The following ANKRD27 variants were observed in gnomAD, a reference collection of about 807,000 sequenced individuals.
The protein encoded by ANKRD27 is ankyrin repeat domain-containing protein 27.
A neutral mutation model predicts 129.7 loss-of-function variants in ANKRD27; 112 were observed. The ratio of observed to expected loss-of-function variants is 0.86; its 90% CI spans 0.74 to 1.01. The LOEUF is 1.01. ANKRD27 is among the 50% of genes least tolerant of loss of function. ANKRD27 has a pLI of 0.00. For synonymous variants in ANKRD27, 516 were observed against 511.2 expected, an observed-to-expected ratio of 1.01 and a Z score of -0.13; for missense variants, 1,258 against 1,300.5, an observed-to-expected ratio of 0.97 and a Z score of 0.50.
chr19:32,606,014 G>A, intron 23 of ANKRD27, 60 bp from the exon 24 acceptor site: 4 of 1,395,224 alleles, frequency 2.9e-6, no homozygotes, highest in Non-Finnish European at 3.8e-6. Context: ...TCCTGCCAGA[G>A]AAAAATTATG....
At chr19:32,669,076 C>T (rs961734708) in intron 1 of ANKRD27, among the ~76,000 whole-genome samples, 9 of 152,104 alleles carry the variant, frequency 5.9e-5, no homozygotes, top group African/African-American at 9.7e-5. Flanking sequence ...CCTCTCACAG[C>T]GCTGGGATTA....
chr19:32,669,801 A>G (rs973773485), intron 1 of ANKRD27, among the ~76,000 whole-genome samples: 1 of 151,970 alleles, frequency 6.6e-6, no homozygotes, highest in Non-Finnish European at 1.5e-5. Context: ...GTTCAAGACC[A>G]CCCTGGCCAA....
At chr19:32,634,483 G>A (rs971884506) in intron 12 of ANKRD27, among the ~76,000 whole-genome samples, 1 of 152,208 alleles carries the variant, frequency 6.6e-6, no homozygotes, top group African/African-American at 2.4e-5. Context: ...CAGAACCAGG[G>A]TCCAACACCC....
At chr19:32,603,301 A>G (rs1971679991) in intron 25 of ANKRD27, among the ~76,000 whole-genome samples, 1 of 152,110 alleles carries the variant, frequency 6.6e-6, no homozygotes, top group Non-Finnish European at 1.5e-5. Context: ...AAATTACTCT[A>G]AGGAGCCTGT....
At chr19:32,598,895 A>G (rs963928869) in intron 28 of ANKRD27, among the ~76,000 whole-genome samples, 6 of 152,218 alleles carry the variant, frequency 3.9e-5, no homozygotes, top group African/African-American at 1.4e-4. Flanking sequence ...CATATGCTAT[A>G]AATTCTCATC....
At position 32,644,298 on chromosome 19, in the gene ANKRD27, C is replaced by T. The variant is rs752690096; in HGVS notation, c.525+27G>A. The T allele has an allele frequency of 1.3e-5, 21 of 1,601,462 alleles. No homozygotes were observed. The South Asian group carries it at 2.0e-4, about 15-fold the overall frequency. ...TGCACTGAACCGAGACAGGGCACGC[C>T]AGGCAGAGGACAGCACGGCTACTGA... On this transcript the variant is annotated intron_variant, in intron 5 of 28. Coordinates refer to ENST00000306065, the MANE Select transcript of ANKRD27 (RefSeq NM_032139.3).
At chr19:32,628,895 A>C (rs766693161) in intron 13 of ANKRD27, 46 bp from the exon 14 acceptor site, 2 of 1,603,848 alleles carry the variant, frequency 1.2e-6, no homozygotes, top group Admixed American at 3.4e-5. Flanking sequence ...GGAATTACTC[A>C]ATTATTAGGA....
rs756222948 is a variant in ANKRD27, at chr19:32,628,113, GC to G, written c.1389del (p.His464ThrfsTer26). 1.2e-6 allele frequency: 2 copies of G among 1,614,228 alleles called. No individual in the cohort carries two copies. Among genetic ancestry groups the G allele is most frequent in the Non-Finnish European group, 8.5e-7 (1 of 1,180,028 alleles). On this transcript the variant is annotated frameshift_variant, in exon 15 of 29. Coordinates refer to ENST00000306065, the MANE Select transcript of ANKRD27 (RefSeq NM_032139.3). LOFTEE classifies it high-confidence loss of function. The part of the protein sequence containing the change: ...VVTPFSRDDR[G>X]HTPLHVAAVC... ...ACAGCAGCCACATGGAGAGGGGTGTGCCCCCTGTCGTCTCTGGAGAATGGAG... is the reference window on the plus strand; with the variant it reads ...ACAGCAGCCACATGGAGAGGGGTGTGCCCCTGTCGTCTCTGGAGAATGGAG...
At chr19:32,658,616 C>T (rs1420229099) in intron 2 of ANKRD27, among the ~76,000 whole-genome samples, 6 of 152,174 alleles carry the variant, frequency 3.9e-5, no homozygotes, top group South Asian at 2.1e-4. Flanking sequence ...AAGAGAGAAA[C>T]GAGAGCACCG....
chr19:32,610,266 C>T lies in ANKRD27; in HGVS notation c.2176-2434G>A, dbSNP rs62124266. 1.0e-2 allele frequency among the ~76,000 whole-genome samples: 1,511 copies of T among 151,838 alleles called. 16 individuals carry two copies. Among genetic ancestry groups the T allele is most frequent in the Middle Eastern group, 0.027 (8 of 292 alleles). On this transcript the variant is annotated intron_variant, in intron 22 of 28. Transcript: ENST00000306065. ...CAGAGGTTGCAGTGAGCCGAGATGG[C>T]GCCACTGCACTCCAGCCTGGCGACA...
At position 32,605,909 on chromosome 19, in the gene ANKRD27, CCTT is replaced by C; in HGVS notation, c.2416_2418del (p.Lys806del). 1 of 1,614,032 alleles carries C rather than the reference CCTT, an allele frequency of 6.2e-7. No individual in the cohort carries two copies. The highest frequency in any genetic ancestry group is 8.5e-7 in the Non-Finnish European group (1 of 1,179,992). On this transcript the variant is annotated inframe_deletion, in exon 24 of 29. Transcript: ENST00000306065. ...ATGAGGGGCGTGTTTCCACTGAGGT[CCTT>C]CTTATTGGGTTTTGCATTCGAATCT...
chr19:32,628,663 G>C lies in ANKRD27; in HGVS notation c.1337+59C>G, dbSNP rs911315659. Reference sequence around the variant, plus strand: ...AGTCACACAGCGCACAGTGGAGAAGGTCCAGGAGGCCTGTCTCCTGCTTCC... The same window carrying C: ...AGTCACACAGCGCACAGTGGAGAAGCTCCAGGAGGCCTGTCTCCTGCTTCC... On this transcript the variant is annotated intron_variant, in intron 14 of 28. Transcript: ENST00000306065. 4 of 1,605,068 alleles carry C rather than the reference G, an allele frequency of 2.5e-6. No homozygotes were observed. In the East Asian group the frequency reaches 6.7e-5, roughly 27 times the overall value.
chr19:32,650,629 C>T (rs1186468873), intron 2 of ANKRD27, among the ~76,000 whole-genome samples: 1 of 146,182 alleles, frequency 6.8e-6, no homozygotes, highest in East Asian at 2.0e-4. Context: ...GAGTTGAGAT[C>T]ACATGATTGC....
In ANKRD27 at chr19:32,656,079, G is replaced by GAA. The variant is rs1555747094; in HGVS notation, c.102+2833_102+2834dup. On this transcript the variant is annotated intron_variant, in intron 2 of 28. Coordinates refer to ENST00000306065, the MANE Select transcript of ANKRD27 (RefSeq NM_032139.3). ...GAAAGAAAAGAAAGAAAGAAAGAAAGAAAGAAAGAAAGAAAGAAAGAAAGA... is the reference window on the plus strand; with the variant it reads ...GAAAGAAAAGAAAGAAAGAAAGAAAGAAAAAGAAAGAAAGAAAGAAAGAAAGA... Among the ~76,000 whole-genome samples, 17 of 22,714 alleles carry GAA rather than the reference G, an allele frequency of 7.5e-4. 1 individual carries two copies. The East Asian group carries it at 7.6e-3, about 10-fold the overall frequency. 14.9% of individuals were successfully genotyped at this position (22,714 alleles called of 152,430 possible).
intron 17 of ANKRD27, among the ~76,000 whole-genome samples, chr19:32,622,842 A>G (rs1972034986): frequency 1.3e-5 from 2 of 152,006 alleles, no homozygotes; most frequent in African/African-American, 2.4e-5. Flanking sequence ...CAGTGATGCA[A>G]TAATAGCTCA....
intron 9 of ANKRD27, 111 bp downstream of exon 9, chr19:32,643,012 C>A (rs1967229727): frequency 7.7e-6 from 8 of 1,038,800 alleles, no homozygotes; most frequent in South Asian, 4.0e-5. Flanking sequence ...CTCCTCAGAA[C>A]TAACCACATC....
intron 10 of ANKRD27, among the ~76,000 whole-genome samples, chr19:32,641,065 A>AT (rs935946072): frequency 4.0e-5 from 6 of 150,530 alleles, no homozygotes; most frequent in East Asian, 2.0e-4. Flanking sequence ...TGCCCAGCTA[A>AT]TTTTTTTTTG....
At chr19:32,643,381 T>A in intron 7 of ANKRD27, 29 bp from the exon 8 acceptor site, 3 of 1,613,742 alleles carry the variant, frequency 1.9e-6, no homozygotes, top group Non-Finnish European at 2.5e-6. Context: ...CCATTCAGGG[T>A]GTGAGCGGGC....
At chr19:32,655,933 G>A (rs1243879463) in intron 2 of ANKRD27, among the ~76,000 whole-genome samples, 2 of 151,348 alleles carry the variant, frequency 1.3e-5, no homozygotes, top group African/African-American at 2.4e-5. Context: ...CAGGAGAATC[G>A]CTTGAACCCA....
Sources: gnomAD v4.1 joint callset for allele counts (sites outside exome capture counted in the v4.1 genomes callset) on GRCh38, gnomAD v4.1.1 for gene constraint, MANE v1.5 for transcripts, NCBI Gene and HGNC (gene_info 2026-07-23, HGNC 2026-07-21) for gene names.